Variants in RNF150 observed in about 807,000 individuals in gnomAD.
RNF150 encodes ring finger protein 150.
Under a neutral mutation model 39.3 loss-of-function variants are expected in RNF150, and 24 were observed. The observed-to-expected ratio is 0.61, with a 90% CI of 0.44 to 0.86. The LOEUF (loss-of-function observed/expected upper bound fraction) is 0.86. Ranked by LOEUF, RNF150 falls within the 40% of genes least tolerant of loss-of-function variation. The probability of loss-of-function intolerance (pLI) is 0.00; values close to 1 mark genes in which losing one functional copy is unlikely to be tolerated. For synonymous variants in RNF150, 255 were observed against 227.3 expected, an observed-to-expected ratio of 1.12 and a Z score of -1.10; for missense variants, 502 against 587.8, an observed-to-expected ratio of 0.85 and a Z score of 1.51.
At chr4:141,084,158 T>C (rs1738260321) in intron 1 of RNF150, among the ~76,000 whole-genome samples, 2 of 152,222 alleles carry the variant, frequency 1.3e-5, no homozygotes, top group Admixed American at 1.3e-4. Flanking sequence ...TTCATCATTT[T>C]AATGACAATA....
chr4:140,862,824 T>G lies in RNF150; in HGVS notation c.*5437A>C, dbSNP rs552058540. ...TCTAAACCTAGGGATGAGCATTTAC[T>G]TGGGGACAGCACGCACATTTTGTTA... On this transcript the variant is annotated 3_prime_UTR_variant, in exon 7 of 7. Coordinates refer to ENST00000515673, the MANE Select transcript of RNF150 (RefSeq NM_020724.2). 1 of 152,316 alleles carries G rather than the reference T, an allele frequency of 6.6e-6. No homozygotes were observed. The highest frequency in any genetic ancestry group is 6.5e-5 in the Admixed American group (1 of 15,296). 9.4% of individuals were successfully genotyped at this position (152,316 alleles called of 1,614,324 possible). A position where few individuals can be genotyped will look rare whatever the true frequency, so the allele number is the denominator to read the frequency against.
At chr4:140,911,121 A>C in intron 6 of RNF150, 23 bp downstream of exon 6, 3 of 1,588,336 alleles carry the variant, frequency 1.9e-6, no homozygotes. Flanking sequence ...TGGCTATGTC[A>C]CTTTAAGTAT....
At chr4:140,967,166 A>T (rs562378761) in intron 2 of RNF150, among the ~76,000 whole-genome samples, 1 of 152,142 alleles carries the variant, frequency 6.6e-6, no homozygotes, top group Admixed American at 6.6e-5. Flanking sequence ...AGAGACACAC[A>T]TGGGAAGGCA....
chr4:141,112,661 T>C (rs1321344554), intron 1 of RNF150, among the ~76,000 whole-genome samples: 3 of 152,164 alleles, frequency 2.0e-5, no homozygotes, highest in African/African-American at 4.8e-5. Flanking sequence ...TTAACATTTT[T>C]TCCTTCATTT....
rs1373439409 is a variant in RNF150 at position 141,132,653 on chromosome 4, C to A, written c.156G>T (p.Ala52=). 1.9e-6 allele frequency: 3 copies of A among 1,602,116 alleles called. No individual in the cohort carries two copies. Among genetic ancestry groups the A allele is most frequent in the Non-Finnish European group, 1.7e-6 (2 of 1,175,630 alleles). The change falls in exon 1 of 7, where the codon GCG becomes GCT. Residue 52 remains alanine, a synonymous_variant. Coordinates refer to ENST00000515673, the MANE Select transcript of RNF150 (RefSeq NM_020724.2). The surrounding 1 kb of genome is among the most constrained non-coding windows in gnomAD (Gnocchi z 4.9). Reference sequence around the variant, plus strand: ...CCGCCGCCCCGGCCCCGGGGTCCGGCGCGGGCTCGGCGTAGGTGATGTTCA... The same window carrying A: ...CCGCCGCCCCGGCCCCGGGGTCCGGAGCGGGCTCGGCGTAGGTGATGTTCA... ...AFVNITYAEP[A]PDPGAGAAGG... is the part of the protein sequence containing the mutation.
chr4:141,032,033 CAT>C (rs920702566), intron 1 of RNF150, among the ~76,000 whole-genome samples: 28 of 151,502 alleles, frequency 1.8e-4, no homozygotes, highest in African/African-American at 5.3e-4. Flanking sequence ...TATATACACA[CAT>C]ATATATATAA....
chr4:141,118,521 T>C (rs1384513291), intron 1 of RNF150, among the ~76,000 whole-genome samples: 1 of 152,128 alleles, frequency 6.6e-6, no homozygotes, highest in Non-Finnish European at 1.5e-5. Flanking sequence ...GGCTGTCATA[T>C]ATGGCAGTAG....
At chr4:140,988,352 G>A (rs1734078108) in intron 1 of RNF150, among the ~76,000 whole-genome samples, 1 of 152,066 alleles carries the variant, frequency 6.6e-6, no homozygotes, top group African/African-American at 2.4e-5. Flanking sequence ...AATCAACCTA[G>A]GTGTCCATCA....
chr4:141,151,794 T>C (rs1727307688), intron 1 of RNF150, among the ~76,000 whole-genome samples: 1 of 152,182 alleles, frequency 6.6e-6, no homozygotes, highest in East Asian at 1.9e-4. Context: ...TTACAAATAA[T>C]TTGAAATTCC....
At chr4:140,907,399 T>C (rs531890437) in intron 6 of RNF150, among the ~76,000 whole-genome samples, 1 of 152,328 alleles carries the variant, frequency 6.6e-6, no homozygotes, top group South Asian at 2.1e-4. Context: ...CTTGGCTCTG[T>C]AAATGTTTTT....
chr4:140,883,533 GT>G (rs150550628), intron 6 of RNF150, among the ~76,000 whole-genome samples: 3,094 of 152,178 alleles, frequency 0.02, 54 homozygotes, highest in Non-Finnish European at 0.027. Context: ...TTTGAGGACA[GT>G]TTTTCAGTAT....
chr4:141,072,770 C>A (rs962514400), intron 1 of RNF150, among the ~76,000 whole-genome samples: 4 of 152,106 alleles, frequency 2.6e-5, no homozygotes, highest in African/African-American at 7.2e-5. Context: ...ACTTGATGCA[C>A]CACTATAATT....
intron 1 of RNF150, among the ~76,000 whole-genome samples, chr4:141,009,786 T>G (rs1735006471): frequency 6.6e-6 from 1 of 152,198 alleles, no homozygotes; most frequent in Non-Finnish European, 1.5e-5. Context: ...TAATCTTCCT[T>G]TTTCATCCTT....
At chr4:141,124,414 T>C (rs1726699240) in intron 1 of RNF150, among the ~76,000 whole-genome samples, 1 of 152,278 alleles carries the variant, frequency 6.6e-6, no homozygotes, top group South Asian at 2.1e-4. Context: ...AAGATCACAT[T>C]AGTAAAGAGA....
At chr4:141,097,996 G>A (rs1190397041) in intron 1 of RNF150, among the ~76,000 whole-genome samples, 1 of 151,962 alleles carries the variant, frequency 6.6e-6, no homozygotes, top group African/African-American at 2.4e-5. Context: ...CCTCCCTTAT[G>A]AAAATCCCTT....
At chr4:140,990,658 A>C (rs1348242784) in intron 1 of RNF150, among the ~76,000 whole-genome samples, 1 of 152,370 alleles carries the variant, frequency 6.6e-6, no homozygotes, top group East Asian at 1.9e-4. Context: ...CCTGCAAAGA[A>C]CATGATCTCG....
intron 1 of RNF150, among the ~76,000 whole-genome samples, chr4:141,196,028 A>T (rs1223682179): frequency 6.6e-6 from 1 of 152,210 alleles, no homozygotes; most frequent in Non-Finnish European, 1.5e-5. Flanking sequence ...CCTTCACTGT[A>T]CTTTGGCAAT....
intron 5 of RNF150, 30 bp from the exon 6 acceptor site, chr4:140,911,384 G>A (rs1478680884): frequency 6.3e-7 from 1 of 1,581,484 alleles, no homozygotes. Context: ...TCTGTTCTCA[G>A]TACATGTCAT....
intron 4 of RNF150, among the ~76,000 whole-genome samples, chr4:140,935,067 TA>T (rs1175490089): frequency 1.6e-4 from 19 of 116,378 alleles, no homozygotes; most frequent in African/African-American, 6.7e-4. Context: ...TATATATATA[TA>T]ATATATATAT....
Sources: gnomAD v4.1 joint callset for allele counts (sites outside exome capture counted in the v4.1 genomes callset) on GRCh38, gnomAD v4.1.1 for gene constraint, Gnocchi (gnomAD v3.1) non-coding constraint, MANE v1.5 for transcripts, NCBI Gene and HGNC (gene_info 2026-07-23, HGNC 2026-07-21) for gene names.